Variants in PLXDC2 observed in about 807,000 individuals in gnomAD.
The protein encoded by PLXDC2 is plexin domain-containing protein 2.
A neutral mutation model predicts 68.9 loss-of-function variants in PLXDC2; 40 were observed. The observed-to-expected ratio is 0.58, with a 90% confidence interval of 0.45 to 0.76. PLXDC2 has a LOEUF of 0.76. PLXDC2 is among the 30% of genes least tolerant of loss of function. PLXDC2 has a pLI of 0.00. For synonymous variants in PLXDC2, 243 were observed against 234.2 expected (o/e 1.04, Z -0.34); for missense variants, 644 against 661.9 (o/e 0.97, Z 0.30).
chr10:20,266,870 A>G (rs1323939767), intron 13 of PLXDC2, among the ~76,000 whole-genome samples: 1 of 152,190 alleles, frequency 6.6e-6, no homozygotes, highest in Non-Finnish European at 1.5e-5. Context: ...CTAAGTAAAT[A>G]TTTGCTGAAT....
intron 1 of PLXDC2, among the ~76,000 whole-genome samples, chr10:19,928,204 C>T: frequency 6.6e-6 from 1 of 152,114 alleles, no homozygotes; most frequent in East Asian, 1.9e-4. Context: ...TTGATGGGCA[C>T]TTAGGTTGAT....
At chr10:20,123,509 TG>T (rs969572640) in intron 4 of PLXDC2, among the ~76,000 whole-genome samples, 4 of 152,230 alleles carry the variant, frequency 2.6e-5, no homozygotes, top group African/African-American at 7.2e-5. Context: ...GAGTTTGTAT[TG>T]GGGTCAAGTG....
chr10:20,122,658 T>C (rs1833715755), intron 4 of PLXDC2, among the ~76,000 whole-genome samples: 1 of 152,334 alleles, frequency 6.6e-6, no homozygotes, highest in South Asian at 2.1e-4. Flanking sequence ...GAGAAATGTC[T>C]GGCCGCTGCG....
At chr10:20,102,513 C>T (rs1160384292) in intron 4 of PLXDC2, among the ~76,000 whole-genome samples, 1 of 152,130 alleles carries the variant, frequency 6.6e-6, no homozygotes, top group African/African-American at 2.4e-5. Context: ...TATTCCATCA[C>T]CAGCAGCAGA....
chr10:19,917,461 C>T (rs1833389518), intron 1 of PLXDC2, among the ~76,000 whole-genome samples: 1 of 152,146 alleles, frequency 6.6e-6, no homozygotes, highest in African/African-American at 2.4e-5. Flanking sequence ...TCTTCAAATT[C>T]TATGACTTTC....
intron 3 of PLXDC2, among the ~76,000 whole-genome samples, chr10:20,049,794 A>G (rs925125162): frequency 2.6e-5 from 4 of 152,120 alleles, no homozygotes; most frequent in African/African-American, 9.7e-5. Flanking sequence ...GCCCAAAGCA[A>G]TTTACAGATT....
At position 20,108,530 on chromosome 10, in the gene PLXDC2, A is replaced by G. The variant is rs2131745944; in HGVS notation, c.542-34765A>G. On this transcript the variant is annotated intron_variant, in intron 4 of 13. Transcript: ENST00000377252. ...GGATACGTATTATGTGGAGGAGATG[A>G]GAAAATTGTTAGTGGCAATTAAGAA... Among the ~76,000 whole-genome samples, 4 of 152,314 alleles carry G rather than the reference A, an allele frequency of 2.6e-5. 1 individual carries two copies. In the Middle Eastern group the frequency reaches 0.014, roughly 518 times the overall value.
intron 4 of PLXDC2, among the ~76,000 whole-genome samples, chr10:20,112,305 G>T (rs1589634624): frequency 6.7e-6 from 1 of 148,322 alleles, no homozygotes. Context: ...AAGTTTTTCA[G>T]TTACTGAACT....
intron 1 of PLXDC2, among the ~76,000 whole-genome samples, chr10:19,914,760 G>A (rs930964324): frequency 1.5e-4 from 23 of 152,242 alleles, no homozygotes; most frequent in African/African-American, 5.5e-4. Flanking sequence ...GGTCACACAA[G>A]TACAATAGTC....
chr10:20,070,163 G>A (rs1836291429), intron 4 of PLXDC2, among the ~76,000 whole-genome samples: 1 of 152,114 alleles, frequency 6.6e-6, no homozygotes. Context: ...AGTAGGTTGG[G>A]ACAATTTTAC....
intron 1 of PLXDC2, among the ~76,000 whole-genome samples, chr10:19,987,702 T>C (rs986040354): frequency 7.9e-5 from 12 of 151,800 alleles, no homozygotes; most frequent in South Asian, 2.1e-4. Flanking sequence ...GCTGGGACTA[T>C]AGGCGCCCGC....
At chr10:20,093,765 C>T (rs1005238011) in intron 4 of PLXDC2, among the ~76,000 whole-genome samples, 6 of 152,168 alleles carry the variant, frequency 3.9e-5, no homozygotes, top group African/African-American at 1.4e-4. Flanking sequence ...CCTCTGCCTC[C>T]TGGGCTCAAG....
At position 19,999,079 on chromosome 10, in the gene PLXDC2, A is replaced by T. The variant is rs76552082; in HGVS notation, c.113-2696A>T. The stretch of plus-strand genomic sequence containing the variant: ...TTCTCTAGAGAAGGAAGGCAGGAAG[A>T]AAAAATAGGAAAGCGAATTTGAGAA... On this transcript the variant is annotated intron_variant, in intron 1 of 13. Coordinates refer to ENST00000377252, the MANE Select transcript of PLXDC2 (RefSeq NM_032812.9). Among the ~76,000 whole-genome samples the T allele has an allele frequency of 5.0e-3, 755 of 152,238 alleles. 11 individuals carry two copies. Among genetic ancestry groups the T allele is most frequent in the African/African-American group, 0.017 (711 of 41,544 alleles).
intron 13 of PLXDC2, among the ~76,000 whole-genome samples, chr10:20,246,995 C>T (rs1203779501): frequency 6.6e-6 from 1 of 152,148 alleles, no homozygotes; most frequent in Non-Finnish European, 1.5e-5. Flanking sequence ...CCTTTTCCTT[C>T]TGTGGGGGCT....
chr10:20,252,386 TTAAA>T (rs1245619839), intron 13 of PLXDC2, among the ~76,000 whole-genome samples: 2 of 152,242 alleles, frequency 1.3e-5, no homozygotes, highest in Non-Finnish European at 2.9e-5. Flanking sequence ...ATATGCTGGA[TTAAA>T]TAAATTTTAT....
intron 4 of PLXDC2, among the ~76,000 whole-genome samples, chr10:20,132,857 A>T (rs974793896): frequency 3.3e-5 from 5 of 151,572 alleles, no homozygotes; most frequent in Admixed American, 2.6e-4. Flanking sequence ...ACAGGTAAAG[A>T]TTTACTATTG....
chr10:20,068,574 C>T lies in PLXDC2; in HGVS notation c.541+335C>T, dbSNP rs866431902. ...GCTGCTTAATGAAACTGCTGGTGAT[C>T]TTAAATTTTCTTTTAATGTATATAG... On this transcript the variant is annotated intron_variant, in intron 4 of 13. Transcript: ENST00000377252. Among the ~76,000 whole-genome samples the T allele has an allele frequency of 5.8e-4, 86 of 148,550 alleles. No homozygotes were observed. In the Middle Eastern group the frequency reaches 0.011, roughly 18 times the overall value.
intron 3 of PLXDC2, among the ~76,000 whole-genome samples, chr10:20,065,617 A>T (rs1242371491): frequency 2.0e-5 from 3 of 152,216 alleles, no homozygotes. Context: ...ATATAAAATC[A>T]GTGGGAGTCC....
At chr10:20,274,565 G>A (rs1835980175) in intron 13 of PLXDC2, among the ~76,000 whole-genome samples, 1 of 152,172 alleles carries the variant, frequency 6.6e-6, no homozygotes, top group Admixed American at 6.6e-5. Flanking sequence ...ACACCAGGAA[G>A]AATCAAAAGA....
Sources: gnomAD v4.1 joint callset for allele counts (sites outside exome capture counted in the v4.1 genomes callset) on GRCh38, gnomAD v4.1.1 for gene constraint, MANE v1.5 for transcripts, NCBI Gene and HGNC (gene_info 2026-07-23, HGNC 2026-07-21) for gene names.